Variants in CDC42BPA observed in about 807,000 individuals in gnomAD.
CDC42BPA encodes CDC42 binding protein kinase alpha.
CDC42BPA carries 80 observed loss-of-function variants against 223.5 expected under a neutral mutation model. The ratio of observed to expected loss-of-function variants is 0.36; its 90% CI spans 0.30 to 0.43. The LOEUF is 0.43. Among genes scored for constraint, CDC42BPA ranks in the 20% least tolerant of loss-of-function variants. The probability of loss-of-function intolerance (pLI) is 1.00; values close to 1 mark genes in which losing one functional copy is unlikely to be tolerated. For missense variants in CDC42BPA, 1,743 were observed against 2,099.9 expected, an observed-to-expected ratio of 0.83 and a Z score of 3.32; for synonymous variants, 694 against 718.6, an observed-to-expected ratio of 0.97 and a Z score of 0.55.
rs775539156 is a variant in CDC42BPA at position 226,993,922 on chromosome 1, A to G, written c.*346T>C. 1.1e-5 allele frequency: 2 copies of G among 186,900 alleles called. No homozygotes were observed. Among genetic ancestry groups the G allele is most frequent in the Non-Finnish European group, 2.3e-5 (2 of 88,158 alleles). 11.6% of individuals were successfully genotyped at this position (186,900 alleles called of 1,614,324 possible). A position where few individuals can be genotyped will look rare whatever the true frequency, so the allele number is the denominator to read the frequency against. ...GACTATAATGAGACTCTACTGTGAA[A>G]GCAAAATCTGTCTAATCTTATTCTT... On this transcript the variant is annotated 3_prime_UTR_variant, in exon 37 of 37. Coordinates refer to ENST00000366766, the MANE Select transcript of CDC42BPA (RefSeq NM_001394014.1).
At chr1:227,160,092 T>C (rs1424203764) in intron 6 of CDC42BPA, among the ~76,000 whole-genome samples, 1 of 152,216 alleles carries the variant, frequency 6.6e-6, no homozygotes, top group Non-Finnish European at 1.5e-5. Flanking sequence ...AATCAACTTG[T>C]GAACTTTCTG....
chr1:227,024,961 G>A (rs1293416706), intron 31 of CDC42BPA, among the ~76,000 whole-genome samples: 4 of 152,106 alleles, frequency 2.6e-5, no homozygotes, highest in Non-Finnish European at 2.9e-5. Context: ...AATCAAATAG[G>A]GCTGAGTGCA....
intron 5 of CDC42BPA, among the ~76,000 whole-genome samples, chr1:227,184,060 T>C (rs1482008151): frequency 1.3e-5 from 2 of 152,190 alleles, no homozygotes; most frequent in African/African-American, 4.8e-5. Context: ...GGCTTTTTAA[T>C]TGTATTTTGA....
chr1:227,103,689 A>G (rs536631912), intron 14 of CDC42BPA, among the ~76,000 whole-genome samples: 1 of 152,252 alleles, frequency 6.6e-6, no homozygotes, highest in South Asian at 2.1e-4. Context: ...ATTTAATTCA[A>G]TATATGAGAC....
intron 27 of CDC42BPA, 135 bp downstream of exon 27, chr1:227,033,199 C>A: frequency 1.8e-6 from 1 of 564,754 alleles, no homozygotes; most frequent in South Asian, 2.9e-5. Flanking sequence ...CCTTCAAGTA[C>A]TGGATGATAT....
intron 2 of CDC42BPA, among the ~76,000 whole-genome samples, chr1:227,225,046 T>C (rs1013729349): frequency 6.6e-6 from 1 of 152,198 alleles, no homozygotes; most frequent in African/African-American, 2.4e-5. Context: ...TTAAGTAAAT[T>C]ATCAAATATC....
chr1:227,083,080 G>A (rs1231442668), intron 16 of CDC42BPA, among the ~76,000 whole-genome samples: 1 of 151,976 alleles, frequency 6.6e-6, no homozygotes, highest in Non-Finnish European at 1.5e-5. Flanking sequence ...TTGAATTTGT[G>A]GCTAAATGTT....
intron 6 of CDC42BPA, among the ~76,000 whole-genome samples, chr1:227,148,853 A>G (rs1661213122): frequency 6.6e-6 from 1 of 150,936 alleles, no homozygotes; most frequent in Non-Finnish European, 1.5e-5. Flanking sequence ...ACTTTTTTAC[A>G]AAGAGAGATT....
At position 227,029,076 on chromosome 1, in the gene CDC42BPA, G is replaced by A; in HGVS notation, c.4013C>T (p.Thr1338Ile). The change falls in exon 30 of 37, where the codon ACC becomes ATC. Residue 1338 changes from threonine to isoleucine, a missense_variant. Physicochemically the swap from Thr to Ile is moderately conservative, Grantham distance 89. Around this residue, in one of 6 missense-constraint regions of CDC42BPA, gnomAD observed 678 missense variants for 777.5 expected, o/e 0.87. Coordinates refer to ENST00000366766, the MANE Select transcript of CDC42BPA (RefSeq NM_001394014.1). ...ATGGCGCACCTTTCCAGAAGTTACG[G>A]TTTGACACCCTTTAGTTTCTGACAG... ...YKLSETKGCQTVTSGKVRHGA... is the reference protein window; with the variant it reads ...YKLSETKGCQIVTSGKVRHGA... The A allele has an allele frequency of 1.2e-6, 2 of 1,613,898 alleles. No homozygotes were observed. Among genetic ancestry groups the A allele is most frequent in the Non-Finnish European group, 8.5e-7 (1 of 1,180,028 alleles).
At chr1:227,044,303 CA>C in intron 23 of CDC42BPA, among the ~76,000 whole-genome samples, 1 of 152,122 alleles carries the variant, frequency 6.6e-6, no homozygotes, top group East Asian at 1.9e-4. Context: ...CATCTGTTAA[CA>C]ATGCTTTCAC....
chr1:227,255,840 T>C (rs1682949301), intron 1 of CDC42BPA, among the ~76,000 whole-genome samples: 1 of 152,174 alleles, frequency 6.6e-6, no homozygotes, highest in South Asian at 2.1e-4. Context: ...GTATTCTAGA[T>C]TGGAAGAAGA....
At position 226,991,880 on chromosome 1, in the gene CDC42BPA, C is replaced by T. The variant is rs969452782; in HGVS notation, c.*2388G>A. The T allele has an allele frequency of 6.6e-6, 1 of 150,700 alleles. No individual in the cohort carries two copies. Among genetic ancestry groups the T allele is most frequent in the Non-Finnish European group, 1.5e-5 (1 of 67,830 alleles). 9.3% of individuals were successfully genotyped at this position (150,700 alleles called of 1,614,324 possible). ...ATGGCTTATGTCAAGTCCTGTTAAT[C>T]TCGGCTTGGGATGGCCTCCTCCCTG... On this transcript the variant is annotated 3_prime_UTR_variant, in exon 37 of 37. Coordinates refer to ENST00000366766, the MANE Select transcript of CDC42BPA (RefSeq NM_001394014.1).
chr1:227,189,612 C>T (rs1004704182), intron 5 of CDC42BPA, among the ~76,000 whole-genome samples: 1 of 152,152 alleles, frequency 6.6e-6, no homozygotes, highest in African/African-American at 2.4e-5. Flanking sequence ...GATTCCTAGT[C>T]CAGTGCTTTT....
chr1:226,992,123 G>A lies in CDC42BPA; in HGVS notation c.*2145C>T, dbSNP rs1660833253. ...GCTGGTCACGAGCACCAAGCAGGGG[G>A]CCGGCTGGCTGACTCCCTTCTCTCA... On this transcript the variant is annotated 3_prime_UTR_variant, in exon 37 of 37. Transcript: ENST00000366766. 6.6e-6 allele frequency: 1 copy of A among 152,018 alleles called. No individual in the cohort carries two copies. Among genetic ancestry groups the A allele is most frequent in the Admixed American group, 6.6e-5 (1 of 15,260 alleles). The allele number at this position is 152,018 out of a possible 1,614,324, so 9.4% of individuals were successfully genotyped here. A position where few individuals can be genotyped will look rare whatever the true frequency, so the allele number is the denominator to read the frequency against.
chr1:227,024,025 G>A (rs1364661091), intron 31 of CDC42BPA, among the ~76,000 whole-genome samples: 1 of 152,118 alleles, frequency 6.6e-6, no homozygotes, highest in Non-Finnish European at 1.5e-5. Flanking sequence ...AGTAACTTCT[G>A]TTCAGCCAAA....
At chr1:227,022,730 A>G (rs1236898927) in intron 32 of CDC42BPA, among the ~76,000 whole-genome samples, 1 of 152,108 alleles carries the variant, frequency 6.6e-6, no homozygotes, top group African/African-American at 2.4e-5. Flanking sequence ...TTGGTCACTG[A>G]CCAAATATCC....
At chr1:227,009,500 C>T (rs1558271652) in intron 34 of CDC42BPA, among the ~76,000 whole-genome samples, 1 of 152,164 alleles carries the variant, frequency 6.6e-6, no homozygotes, top group Non-Finnish European at 1.5e-5. Flanking sequence ...CTTCGACCTC[C>T]CAGGCGCAAG....
At chr1:227,200,906 C>A (rs183033506) in intron 3 of CDC42BPA, among the ~76,000 whole-genome samples, 33 of 152,222 alleles carry the variant, frequency 2.2e-4, no homozygotes, top group Non-Finnish European at 4.0e-4. Flanking sequence ...GAAATAATAT[C>A]ATTATTCCTT....
intron 6 of CDC42BPA, among the ~76,000 whole-genome samples, chr1:227,152,675 C>A (rs192402778): frequency 6.6e-6 from 1 of 151,964 alleles, no homozygotes; most frequent in Non-Finnish European, 1.5e-5. Flanking sequence ...ATAAACTGCA[C>A]GTAAGATACT....
Sources: allele counts gnomAD v4.1 joint callset (sites outside exome capture counted in the v4.1 genomes callset), GRCh38; gene constraint gnomAD v4.1.1; regional missense constraint gnomAD v4.1.1; transcripts MANE v1.5; gene names NCBI Gene and HGNC (gene_info 2026-07-23, HGNC 2026-07-21).